The following VPS13A variants were observed in gnomAD, a reference collection of about 807,000 sequenced individuals.
The protein encoded by VPS13A is intermembrane lipid transfer protein VPS13A.
In VPS13A, 264 loss-of-function variants were observed where a neutral mutation model predicts 390.9. The observed-to-expected ratio is 0.68, with a 90% CI of 0.61 to 0.75. The LOEUF (loss-of-function observed/expected upper bound fraction) is 0.75. VPS13A is among the 30% of genes least tolerant of loss of function. VPS13A has a pLI of 0.00. For missense variants in VPS13A, 3,409 were observed against 3,733.9 expected (o/e 0.91, Z 2.27); for synonymous variants, 1,231 against 1,227.1 (o/e 1.00, Z -0.07).
At chr9:77,231,945 T>C (rs1374387151) in intron 17 of VPS13A, among the ~76,000 whole-genome samples, 5 of 152,218 alleles carry the variant, frequency 3.3e-5, no homozygotes, top group African/African-American at 1.2e-4. Context: ...AAGGAATTGG[T>C]ACAGCTCATT....
At position 77,247,258 on chromosome 9, in the gene VPS13A, G is replaced by C; in HGVS notation, c.1901-1G>C. ...CATAGAAAAGATTTACATTTTTCCAGGTCTACTGTATATTATTGAAACACA... is the reference window on the plus strand; with the variant it reads ...CATAGAAAAGATTTACATTTTTCCACGTCTACTGTATATTATTGAAACACA... On this transcript the variant is annotated splice_acceptor_variant, in intron 19 of 71. Coordinates refer to ENST00000360280, the MANE Select transcript of VPS13A (RefSeq NM_033305.3). LOFTEE classifies it high-confidence loss of function. The C allele has an allele frequency of 6.3e-7, 1 of 1,576,606 alleles. No individual in the cohort carries two copies. The highest frequency in any genetic ancestry group is 8.6e-7 in the Non-Finnish European group (1 of 1,156,896).
intron 3 of VPS13A, 31 bp from the exon 4 acceptor site, chr9:77,205,282 T>C (rs1461024470): frequency 1.6e-6 from 2 of 1,255,916 alleles, no homozygotes; most frequent in Non-Finnish European, 2.2e-6. Context: ...TAATATTTTT[T>C]GTCCTTTTTT....
chr9:77,353,378 T>TG (rs761637199), intron 53 of VPS13A, 31 bp from the exon 54 acceptor site: 3 of 507,280 alleles, frequency 5.9e-6, no homozygotes, highest in South Asian at 3.6e-5. Context: ...AATTTTTTGG[T>TG]TTTTTTTTTT....
chr9:77,368,700 A>G (rs978799091), intron 62 of VPS13A, among the ~76,000 whole-genome samples: 1 of 152,224 alleles, frequency 6.6e-6, no homozygotes, highest in Non-Finnish European at 1.5e-5. Flanking sequence ...TCTCCAATCT[A>G]TAAAACGGTG....
intron 22 of VPS13A, among the ~76,000 whole-genome samples, chr9:77,253,993 A>G (rs1825299609): frequency 8.6e-6 from 1 of 116,380 alleles, no homozygotes; most frequent in African/African-American, 3.4e-5. Flanking sequence ...CCCAGGCTGG[A>G]GTGCAGTGGC....
intron 47 of VPS13A, chr9:77,337,833 G>T: frequency 7.9e-6 from 2 of 253,194 alleles, no homozygotes; most frequent in South Asian, 9.2e-5. Flanking sequence ...TACTCTGTGT[G>T]GTTTCTTCCT....
At chr9:77,245,389 C>A (rs1200369107) in intron 19 of VPS13A, among the ~76,000 whole-genome samples, 1 of 152,146 alleles carries the variant, frequency 6.6e-6, no homozygotes, top group Non-Finnish European at 1.5e-5. Context: ...GTCAGATTGA[C>A]CCTTCTGGAT....
chr9:77,209,243 C>G (rs932875242), intron 5 of VPS13A, among the ~76,000 whole-genome samples, 180 bp from the exon 6 acceptor site: 1 of 152,134 alleles, frequency 6.6e-6, no homozygotes, highest in African/African-American at 2.4e-5. Context: ...GCACAATAAA[C>G]TAGCTTTTGA....
intron 23 of VPS13A, among the ~76,000 whole-genome samples, chr9:77,270,345 T>C (rs993099045): frequency 5.9e-5 from 9 of 152,192 alleles, no homozygotes; most frequent in African/African-American, 2.2e-4. Flanking sequence ...ATGTGGTCCT[T>C]GTTATAAAGT....
chr9:77,275,734 A>C, intron 25 of VPS13A, 82 bp downstream of exon 25: 1 of 1,460,184 alleles, frequency 6.8e-7, no homozygotes, highest in South Asian at 1.2e-5. Context: ...CTCATTGTTA[A>C]GAAGCACTAT....
At position 77,403,337 on chromosome 9, in the gene VPS13A, T is replaced by G. The variant is rs1336066576; in HGVS notation, c.9275+16T>G. On this transcript the variant is annotated intron_variant, in intron 69 of 71. Coordinates refer to ENST00000360280, the MANE Select transcript of VPS13A (RefSeq NM_033305.3). ...TAACCAGACGGTAACTTGCTTTCTTTCTCTTACGTAATTTTATAAGGGGTT... is the reference window on the plus strand; with the variant it reads ...TAACCAGACGGTAACTTGCTTTCTTGCTCTTACGTAATTTTATAAGGGGTT... The G allele has an allele frequency of 1.9e-6, 3 of 1,598,374 alleles. No individual in the cohort carries two copies. The South Asian group carries it at 3.3e-5, about 18-fold the overall frequency.
intron 45 of VPS13A, among the ~76,000 whole-genome samples, chr9:77,330,355 C>G (rs1587597477): frequency 6.6e-6 from 1 of 152,222 alleles, no homozygotes; most frequent in East Asian, 1.9e-4. Flanking sequence ...TTCCTCTGCT[C>G]CCTTAGACTT....
rs1430816855 is a variant in VPS13A at position 77,419,688 on chromosome 9, C to A, written c.*3682C>A. ...GAAAAATTAGATCCACACACAGCAC[C>A]CAAAAAAGGCCATAGTCTTTTGTTT... On this transcript the variant is annotated 3_prime_UTR_variant, in exon 72 of 72. Transcript: ENST00000360280. 6.6e-6 allele frequency: 1 copy of A among 152,108 alleles called. No homozygotes were observed. The highest frequency in any genetic ancestry group is 1.5e-5 in the Non-Finnish European group (1 of 68,020). The allele number at this position is 152,108 out of a possible 1,614,324, so 9.4% of individuals were successfully genotyped here. A position where few individuals can be genotyped will look rare whatever the true frequency, so the allele number is the denominator to read the frequency against.
chr9:77,255,472 T>C (rs1825386971), intron 22 of VPS13A, among the ~76,000 whole-genome samples: 1 of 152,176 alleles, frequency 6.6e-6, no homozygotes, highest in Non-Finnish European at 1.5e-5. Context: ...TTTTGGGTTT[T>C]GCATTAATAT....
chr9:77,310,286 A>G (rs1384935870), intron 35 of VPS13A, among the ~76,000 whole-genome samples: 1 of 152,208 alleles, frequency 6.6e-6, no homozygotes. Flanking sequence ...TAGGCTAGAA[A>G]TTAACTGGCT....
intron 70 of VPS13A, among the ~76,000 whole-genome samples, chr9:77,406,456 G>C (rs1834613007): frequency 6.6e-6 from 1 of 151,742 alleles, no homozygotes; most frequent in Admixed American, 6.6e-5. Flanking sequence ...GTCTTGCCCT[G>C]TCGCCCAAGC....
chr9:77,344,950 T>C (rs1469361122), intron 51 of VPS13A, 59 bp from the exon 52 acceptor site: 2 of 1,553,782 alleles, frequency 1.3e-6, no homozygotes, highest in Admixed American at 1.7e-5. Context: ...TTAAATGTTA[T>C]TAGTTAATAT....
Position 77,370,929 on chromosome 9 carries a change from A to G in VPS13A, c.8947A>G (p.Ile2983Val). ...SGITGIVTKPIKGAQKGGAAG... is the reference protein window; with the variant it reads ...SGITGIVTKPVKGAQKGGAAG... ...CATAACAGGAATTGTTACAAAACCA[A>G]TCAAAGGCAAGTATAGTAGTTCCTT... Residue 2983 changes from isoleucine to valine, a missense_variant, in exon 66 of 72, where the codon ATC (isoleucine) becomes GTC (valine). Ile to Val is a conservative substitution (Grantham distance 29). This residue lies in a region of VPS13A where 318 missense variants were observed against 333.7 expected (regional missense o/e 0.95). Transcript: ENST00000360280. The G allele has an allele frequency of 8.7e-6, 14 of 1,614,028 alleles. No individual in the cohort carries two copies. The highest frequency in any genetic ancestry group is 1.1e-5 in the Non-Finnish European group (13 of 1,180,014).
At chr9:77,214,112 C>T (rs1187065206) in intron 9 of VPS13A, among the ~76,000 whole-genome samples, 2 of 151,878 alleles carry the variant, frequency 1.3e-5, no homozygotes, top group Admixed American at 6.6e-5. Flanking sequence ...CCTGTCTCTA[C>T]TAAAAATACA....
Sources: gnomAD v4.1 joint callset for allele counts (sites outside exome capture counted in the v4.1 genomes callset) on GRCh38, gnomAD v4.1.1 for gene constraint, gnomAD v4.1.1 regional missense constraint, MANE v1.5 for transcripts, NCBI Gene and HGNC (gene_info 2026-07-23, HGNC 2026-07-21) for gene names.